The following RNF130 variants were observed in gnomAD, a reference collection of about 807,000 sequenced individuals.
The protein encoded by RNF130 is E3 ubiquitin-protein ligase RNF130.
In RNF130, 21 loss-of-function variants were observed where a neutral mutation model predicts 44.6. That is an observed-to-expected ratio of 0.47 (90% CI 0.33 to 0.68). The LOEUF (loss-of-function observed/expected upper bound fraction) is 0.68, where lower values mean the gene tolerates loss of function less well. Among genes scored for constraint, RNF130 ranks in the 30% least tolerant of loss-of-function variants. The pLI, the probability that RNF130 is intolerant of heterozygous loss-of-function variation, is 0.02. For synonymous variants in RNF130, 214 were observed against 210.4 expected, an observed-to-expected ratio of 1.02 and a Z score of -0.15; for missense variants, 479 against 560.6, an observed-to-expected ratio of 0.85 and a Z score of 1.47.
intron 8 of RNF130, chr5:179,955,909 A>G (rs556372610): frequency 3.2e-5 from 13 of 402,386 alleles, no homozygotes; most frequent in African/African-American, 2.3e-4. Context: ...GGAAAAGGTC[A>G]GGCCCATGGC....
intron 3 of RNF130, among the ~76,000 whole-genome samples, chr5:180,006,457 A>C (rs1268373312): frequency 2.6e-5 from 4 of 152,246 alleles, no homozygotes; most frequent in Non-Finnish European, 4.4e-5. Context: ...AAAATGGGCA[A>C]TAAGAGTGTA....
chr5:179,942,840 T>C (rs986894512), intron 7 of RNF130, among the ~76,000 whole-genome samples: 6 of 152,224 alleles, frequency 3.9e-5, no homozygotes, highest in African/African-American at 1.4e-4. Flanking sequence ...TTTCCAGTTA[T>C]GTGTAACTCT....
intron 1 of RNF130, among the ~76,000 whole-genome samples, chr5:180,066,311 G>T (rs890115707): frequency 6.6e-6 from 1 of 152,202 alleles, no homozygotes; most frequent in Admixed American, 6.5e-5. Context: ...CTGCCGCCAT[G>T]TAAGAAGTAC....
intron 2 of RNF130, chr5:180,015,442 T>C: frequency 2.2e-6 from 1 of 464,942 alleles, no homozygotes. Context: ...AGACTCAAGC[T>C]GGAAAAGGAG....
intron 3 of RNF130, among the ~76,000 whole-genome samples, chr5:180,009,877 AC>A (rs1379266812): frequency 6.6e-6 from 1 of 152,220 alleles, no homozygotes; most frequent in Admixed American, 6.5e-5. Context: ...GAGCAATTAA[AC>A]AAACGGTGGT....
intron 7 of RNF130, among the ~76,000 whole-genome samples, chr5:179,924,269 G>T (rs752684203): frequency 1.3e-4 from 20 of 152,124 alleles, no homozygotes; most frequent in Non-Finnish European, 2.6e-4. Flanking sequence ...GCTAAGGCGG[G>T]TGGATCACCT....
chr5:180,066,922 G>A (rs1364795833), intron 1 of RNF130, among the ~76,000 whole-genome samples: 1 of 152,210 alleles, frequency 6.6e-6, no homozygotes, highest in African/African-American at 2.4e-5. Context: ...CTACTGGGGA[G>A]ACTGAGGCAG....
intron 3 of RNF130, among the ~76,000 whole-genome samples, chr5:179,989,048 C>T (rs1392852989): frequency 6.6e-6 from 1 of 152,276 alleles, no homozygotes; most frequent in Non-Finnish European, 1.5e-5. Flanking sequence ...GAGGTTTAAT[C>T]AACTCAGTTC....
At chr5:180,071,117 C>T (rs964754264) in intron 1 of RNF130, among the ~76,000 whole-genome samples, 2 of 152,206 alleles carry the variant, frequency 1.3e-5, no homozygotes, top group Non-Finnish European at 2.9e-5. Context: ...GCTGAGACGT[C>T]CTCCCCATGA....
chr5:179,975,952 C>A (rs1374760754), intron 5 of RNF130, among the ~76,000 whole-genome samples: 1 of 151,814 alleles, frequency 6.6e-6, no homozygotes, highest in African/African-American at 2.4e-5. Context: ...GCGCATATGC[C>A]CGGCCTCCAC....
chr5:180,041,906 A>C (rs1764429373), intron 1 of RNF130, among the ~76,000 whole-genome samples: 1 of 152,162 alleles, frequency 6.6e-6, no homozygotes, highest in Admixed American at 6.5e-5. Flanking sequence ...GTGAAACAAA[A>C]AATACAAAAA....
At chr5:179,989,599 G>A (rs891846215) in intron 3 of RNF130, among the ~76,000 whole-genome samples, 3 of 152,092 alleles carry the variant, frequency 2.0e-5, no homozygotes, top group Non-Finnish European at 4.4e-5. Flanking sequence ...TGTGTAGCAT[G>A]TTTTTCTCTA....
chr5:179,972,073 C>T (rs918973300), intron 5 of RNF130, among the ~76,000 whole-genome samples: 2 of 152,158 alleles, frequency 1.3e-5, no homozygotes, highest in African/African-American at 4.8e-5. Flanking sequence ...CATAGGTAAG[C>T]CCCAGATACA....
At chr5:179,922,320 T>A (rs13164090) in intron 7 of RNF130, among the ~76,000 whole-genome samples, 2 of 152,128 alleles carry the variant, frequency 1.3e-5, no homozygotes, top group Admixed American at 6.5e-5. Flanking sequence ...TTTCTTTTTT[T>A]AATTTTTTTT....
chr5:179,929,303 G>A (rs1282270969), intron 7 of RNF130, among the ~76,000 whole-genome samples: 1 of 152,126 alleles, frequency 6.6e-6, no homozygotes, highest in African/African-American at 2.4e-5. Context: ...ACTCTATTTT[G>A]TTCTGCTGTC....
At chr5:179,917,190 CA>C (rs34951897) in exon 8 of RNF130, 173 of 141,072 alleles carry the variant, frequency 1.2e-3, no homozygotes, top group South Asian at 6.9e-3. Context: ...GACTCCGTCT[CA>C]AAAAAAAAAA....
At chr5:180,068,746 T>C (rs1327906284) in intron 1 of RNF130, among the ~76,000 whole-genome samples, 3 of 152,242 alleles carry the variant, frequency 2.0e-5, no homozygotes, top group Non-Finnish European at 4.4e-5. Context: ...AGGAAAACTA[T>C]AAAGTTCTTT....
intron 7 of RNF130, among the ~76,000 whole-genome samples, chr5:179,921,718 A>T (rs1422194975): frequency 6.6e-6 from 1 of 151,816 alleles, no homozygotes; most frequent in Non-Finnish European, 1.5e-5. Flanking sequence ...AATCGCTTGA[A>T]CCCAGGAGGT....
At chr5:179,975,949 T>C (rs1762708060) in intron 5 of RNF130, among the ~76,000 whole-genome samples, 1 of 151,972 alleles carries the variant, frequency 6.6e-6, no homozygotes. Flanking sequence ...AAAGCGCATA[T>C]GCCCGGCCTC....
Sources: gnomAD v4.1 joint callset for allele counts (sites outside exome capture counted in the v4.1 genomes callset) on GRCh38, gnomAD v4.1.1 for gene constraint, MANE v1.5 for transcripts, NCBI Gene and HGNC (gene_info 2026-07-23, HGNC 2026-07-21) for gene names.